Variants in SHC2 observed in about 807,000 individuals in gnomAD.
SHC2 encodes the protein SHC-transforming protein 2.
SHC2 carries 62 observed loss-of-function variants against 60.6 expected under a neutral mutation model. The observed-to-expected ratio is 1.02, with a 90% CI of 0.83 to 1.26. The LOEUF (loss-of-function observed/expected upper bound fraction) is 1.26. Among genes scored for constraint, SHC2 ranks in the 50% most tolerant of loss-of-function variants. SHC2 has a pLI of 0.00. For missense variants in SHC2, 873 were observed against 822.2 expected, an observed-to-expected ratio of 1.06 and a Z score of -0.76; for synonymous variants, 375 against 372.4, an observed-to-expected ratio of 1.01 and a Z score of -0.08.
intron 1 of SHC2, among the ~76,000 whole-genome samples, chr19:450,814 G>A (rs111367969): frequency 0.029 from 4,365 of 148,420 alleles, 182 homozygotes; most frequent in African/African-American, 0.1. Flanking sequence ...CCGTGGCCAC[G>A]TCATATTTCA....
chr19:450,957 C>G (rs919093516), intron 1 of SHC2, among the ~76,000 whole-genome samples: 1 of 149,076 alleles, frequency 6.7e-6, no homozygotes, highest in Non-Finnish European at 1.5e-5. Flanking sequence ...ATGGCCATAC[C>G]ATAGCCACGT....
intron 1 of SHC2, among the ~76,000 whole-genome samples, chr19:450,507 C>G (rs111276455): frequency 1.3e-5 from 2 of 152,192 alleles, no homozygotes; most frequent in South Asian, 4.1e-4. Flanking sequence ...TACTCCCCGT[C>G]CCCTCCCCAG....
At chr19:442,707 A>G (rs1600306035) in intron 1 of SHC2, among the ~76,000 whole-genome samples, 2 of 39,282 alleles carry the variant, frequency 5.1e-5, no homozygotes, top group Non-Finnish European at 8.1e-5. Context: ...GGGTGGACGG[A>G]TGGCTGGATG....
chr19:429,900 G>A (rs1361943801), intron 9 of SHC2, among the ~76,000 whole-genome samples: 1 of 149,252 alleles, frequency 6.7e-6, no homozygotes, highest in African/African-American at 2.5e-5. Flanking sequence ...AACGTGCAGA[G>A]AAACCTAATA....
Position 425,932 on chromosome 19 carries a change from G to C in SHC2, c.1175-701C>G, listed in dbSNP as rs762370075. Reference sequence around the variant, plus strand: ...CAATCCCAGCTATTTGGGAGGCTGAGGCATGAGAATCACTTGAATTCAGGA... The same window carrying C: ...CAATCCCAGCTATTTGGGAGGCTGACGCATGAGAATCACTTGAATTCAGGA... On this transcript the variant is annotated intron_variant, in intron 9 of 12. Coordinates refer to ENST00000264554, the MANE Select transcript of SHC2 (RefSeq NM_012435.3). This position sits in a 1 kb window ranked among gnomAD's most constrained non-coding sequence, Gnocchi z 4.1. Among the ~76,000 whole-genome samples the C allele has an allele frequency of 1.3e-5, 2 of 151,874 alleles. No homozygotes were observed. Among genetic ancestry groups the C allele is most frequent in the Admixed American group, 6.6e-5 (1 of 15,244 alleles).
chr19:442,179 T>A (rs1198207189), intron 1 of SHC2, among the ~76,000 whole-genome samples: 1 of 151,432 alleles, frequency 6.6e-6, no homozygotes, highest in Admixed American at 6.6e-5. Context: ...GTGGATGGAC[T>A]GACAGAAAGA....
At chr19:454,704 C>T (rs1188489020) in intron 1 of SHC2, among the ~76,000 whole-genome samples, 3 of 152,160 alleles carry the variant, frequency 2.0e-5, no homozygotes, top group Admixed American at 1.3e-4. Context: ...GCAGGAGAAT[C>T]GCTTGAACCC....
At chr19:435,514 G>A (rs911188083) in intron 7 of SHC2, among the ~76,000 whole-genome samples, 3 of 152,226 alleles carry the variant, frequency 2.0e-5, no homozygotes, top group Non-Finnish European at 4.4e-5. Flanking sequence ...TGACCAGCAG[G>A]CTGGGAGCTC....
chr19:443,842 G>GTGGA (rs1383587655), intron 1 of SHC2, among the ~76,000 whole-genome samples: 2 of 134,084 alleles, frequency 1.5e-5, no homozygotes, highest in African/African-American at 5.6e-5. Flanking sequence ...GAGTGCATGG[G>GTGGA]TGGATGGATG....
rs774659212 is a variant in SHC2 at position 440,899 on chromosome 19, G to A, written c.502C>T (p.Arg168Cys). The A allele has an allele frequency of 2.4e-5, 39 of 1,612,676 alleles. No individual in the cohort carries two copies. Among genetic ancestry groups the A allele is most frequent in the South Asian group, 1.3e-4 (12 of 91,092 alleles). The change falls in exon 2 of 13, where the codon CGC (arginine) becomes TGC (cysteine). Residue 168 changes from arginine to cysteine, a missense_variant. Coordinates refer to ENST00000264554, the MANE Select transcript of SHC2 (RefSeq NM_012435.3). The surrounding 1 kb of genome is among the most constrained non-coding windows in gnomAD (Gnocchi z 7.0). Reference protein sequence around the residue: ...MGCIEVLRSMRSLDFNTRTQV... With the variant: ...MGCIEVLRSMCSLDFNTRTQV... ...GTGCGCGTGTTAAAGTCCAGGGAGCGCATAGAGCGGAGAACCTCGATGCAG... is the reference window on the plus strand; with the variant it reads ...GTGCGCGTGTTAAAGTCCAGGGAGCACATAGAGCGGAGAACCTCGATGCAG...
At position 422,294 on chromosome 19, in the gene SHC2, C is replaced by T. The variant is rs371147079; in HGVS notation, c.1472G>A (p.Arg491Gln). ...CCTCTCTGCCGCCCGGCGGCTCATCCGGCCGTGGTACCAGGGCTCCTGACG... is the reference window on the plus strand; with the variant it reads ...CCTCTCTGCCGCCCGGCGGCTCATCTGGCCGTGGTACCAGGGCTCCTGACG... ...QLRQEPWYHGRMSRRAAERML... is the reference protein window; with the variant it reads ...QLRQEPWYHGQMSRRAAERML... The change falls in exon 11 of 13, where the codon CGG (arginine) becomes CAG (glutamine). Residue 491 changes from arginine (R) to glutamine (Q), a missense_variant. Physicochemically the swap from Arg to Gln is conservative, Grantham distance 43 (BLOSUM62 1). Transcript: ENST00000264554. The surrounding 1 kb of genome is among the most constrained non-coding windows in gnomAD (Gnocchi z 5.0). The T allele has an allele frequency of 1.1e-5, 18 of 1,611,996 alleles. No individual in the cohort carries two copies. The highest frequency in any genetic ancestry group is 3.3e-5 in the South Asian group (3 of 90,908).
intron 9 of SHC2, among the ~76,000 whole-genome samples, chr19:428,808 C>A: frequency 6.6e-6 from 1 of 151,938 alleles, no homozygotes. Context: ...GTATCTACAC[C>A]CAACGTGCAC....
Position 454,790 on chromosome 19 carries a change from C to CA in SHC2, c.468+5738dup, listed in dbSNP as rs67330354. 6.1e-3 allele frequency among the ~76,000 whole-genome samples: 887 copies of CA among 145,966 alleles called. 4 individuals carry two copies. Among genetic ancestry groups the CA allele is most frequent in the African/African-American group, 0.019 (761 of 39,698 alleles). On this transcript the variant is annotated intron_variant, in intron 1 of 12. Coordinates refer to ENST00000264554, the MANE Select transcript of SHC2 (RefSeq NM_012435.3). Reference sequence around the variant, plus strand: ...CAGCAACAAGAGGGAAACTCTGTCTCAAAAAAAAAAAAAGACCATAGAAAT... The same window carrying CA: ...CAGCAACAAGAGGGAAACTCTGTCTCAAAAAAAAAAAAAAGACCATAGAAAT...
chr19:448,580 GT>G (rs2145743666), intron 1 of SHC2, among the ~76,000 whole-genome samples: 1 of 152,260 alleles, frequency 6.6e-6, no homozygotes, highest in East Asian at 1.9e-4. Flanking sequence ...AAGGACGTGA[GT>G]TTTGGGGAAC....
At chr19:430,819 C>A in intron 8 of SHC2, 72 bp from the exon 9 acceptor site, 2 of 1,411,314 alleles carry the variant, frequency 1.4e-6, no homozygotes, top group East Asian at 2.4e-5. Context: ...CCCCAGTCTC[C>A]CCGCCCGGCC....
At chr19:431,258 C>T (rs575568748) in intron 8 of SHC2, among the ~76,000 whole-genome samples, 4 of 151,918 alleles carry the variant, frequency 2.6e-5, no homozygotes, top group South Asian at 2.1e-4. Flanking sequence ...CAGAGGAGGC[C>T]GGGCAGATAG....
At position 417,078 on chromosome 19, in the gene SHC2, G is replaced by C. The variant is rs1264598525; in HGVS notation, c.*250C>G. Reference sequence around the variant, plus strand: ...TTTTCTTTAAAGGCGAAATGGTTCCGTCTTTGGTATGAACACCCTCACTCC... The same window carrying C: ...TTTTCTTTAAAGGCGAAATGGTTCCCTCTTTGGTATGAACACCCTCACTCC... On this transcript the variant is annotated 3_prime_UTR_variant, in exon 13 of 13. Coordinates refer to ENST00000264554, the MANE Select transcript of SHC2 (RefSeq NM_012435.3). 1 of 152,750 alleles carries C rather than the reference G, an allele frequency of 6.5e-6. No homozygotes were observed. The highest frequency in any genetic ancestry group is 2.4e-5 in the African/African-American group (1 of 41,458). The allele number at this position is 152,750 out of a possible 1,614,324, so 9.5% of individuals were successfully genotyped here. A position where few individuals can be genotyped will look rare whatever the true frequency, so the allele number is the denominator to read the frequency against.
rs1181327588 is a variant in SHC2, at chr19:424,930, G to C, written c.1309+167C>G. Among the ~76,000 whole-genome samples the C allele has an allele frequency of 1.3e-5, 2 of 152,208 alleles. No individual in the cohort carries two copies. The highest frequency in any genetic ancestry group is 4.8e-5 in the African/African-American group (2 of 41,454). Reference sequence around the variant, plus strand: ...CAGACAAGGCCTCCGACAGGAGACAGACTGGGCTTCCCCGTCCCACCCGTC... The same window carrying C: ...CAGACAAGGCCTCCGACAGGAGACACACTGGGCTTCCCCGTCCCACCCGTC... On this transcript the variant is annotated intron_variant, in intron 10 of 12. Transcript: ENST00000264554. This position sits in a 1 kb window ranked among gnomAD's most constrained non-coding sequence, Gnocchi z 4.5.
chr19:421,123 G>A (rs1006723794), intron 11 of SHC2, among the ~76,000 whole-genome samples: 5 of 151,650 alleles, frequency 3.3e-5, no homozygotes, highest in Non-Finnish European at 5.9e-5. Flanking sequence ...GAAGGGCCGG[G>A]CGCAGTGGCT....
Sources: allele counts gnomAD v4.1 joint callset (sites outside exome capture counted in the v4.1 genomes callset), GRCh38; gene constraint gnomAD v4.1.1; non-coding constraint Gnocchi (gnomAD v3.1); transcripts MANE v1.5; gene names NCBI Gene and HGNC (gene_info 2026-07-23, HGNC 2026-07-21).